The following ATP2C2 variants were observed in gnomAD, a reference collection of about 807,000 sequenced individuals.
ATP2C2 encodes the protein ATPase secretory pathway Ca2+ transporting 2.
In ATP2C2, 171 loss-of-function variants were observed where a neutral mutation model predicts 110.8. The observed-to-expected ratio is 1.54, with a 90% CI of 1.36 to 1.75. The LOEUF (loss-of-function observed/expected upper bound fraction) is 1.75. Among genes scored for constraint, ATP2C2 ranks in the 40% most tolerant of loss-of-function variants. ATP2C2 has a pLI of 0.00. For synonymous variants in ATP2C2, 804 were observed against 508.4 expected, an observed-to-expected ratio of 1.58 and a Z score of -7.82; for missense variants, 1,963 against 1,235.0, an observed-to-expected ratio of 1.59 and a Z score of -8.84.
intron 7 of ATP2C2, among the ~76,000 whole-genome samples, chr16:84,418,614 G>A (rs1334716941): frequency 6.6e-6 from 1 of 152,224 alleles, no homozygotes; most frequent in Non-Finnish European, 1.5e-5. Context: ...GGACACAGCA[G>A]CCCGCAGAGG....
In ATP2C2 at chr16:84,410,496, C is replaced by A. The variant is rs1405321947; in HGVS notation, c.418-72C>A. On this transcript the variant is annotated intron_variant, in intron 4 of 26. Transcript: ENST00000262429. ...GAAATCAATCATTAAAGACAAGCCC[C>A]TAGCCTGCCACGCCCTGTCCCCCCT... The A allele has an allele frequency of 3.3e-6, 5 of 1,514,530 alleles. No individual in the cohort carries two copies. In the South Asian group the frequency reaches 5.6e-5, roughly 17 times the overall value. 93.8% of individuals were successfully genotyped at this position (1,514,530 alleles called of 1,614,324 possible).
At chr16:84,417,851 A>G (rs968235352) in intron 7 of ATP2C2, among the ~76,000 whole-genome samples, 1 of 152,242 alleles carries the variant, frequency 6.6e-6, no homozygotes, top group Non-Finnish European at 1.5e-5. Context: ...AGCTTTGCCT[A>G]TTCAGTGGAA....
intron 11 of ATP2C2, among the ~76,000 whole-genome samples, chr16:84,429,078 A>T (rs892425049): frequency 3.3e-5 from 5 of 152,118 alleles, no homozygotes; most frequent in Non-Finnish European, 5.9e-5. Context: ...GATGGTCTTG[A>T]TCTCTAGTGA....
chr16:84,412,528 A>G (rs540415517), intron 6 of ATP2C2, among the ~76,000 whole-genome samples: 25 of 124,662 alleles, frequency 2.0e-4, no homozygotes, highest in African/African-American at 8.1e-4. Context: ...CTGTGTGTGC[A>G]TGTGTCTGTG....
In ATP2C2 at chr16:84,460,789, C is replaced by T. The variant is rs768956099; in HGVS notation, c.2469C>T (p.Ile823=). The T allele has an allele frequency of 1.9e-6, 3 of 1,612,882 alleles. No homozygotes were observed. Among genetic ancestry groups the T allele is most frequent in the Admixed American group, 1.7e-5 (1 of 59,976 alleles). Reference sequence around the variant, plus strand: ...TCATCATCAGCGGGACCCTCTTTATCTTCTGGAAGGAGGTGAGCGAGGGTC... The same window carrying T: ...TCATCATCAGCGGGACCCTCTTTATTTTCTGGAAGGAGGTGAGCGAGGGTC... ...AAIIISGTLF[I]FWKEMPEDRA... is the part of the protein sequence containing the mutation. The change falls in exon 24 of 27, where the codon ATC becomes ATT. Residue 823 remains isoleucine (I), a synonymous_variant. Transcript: ENST00000262429.
chr16:84,429,829 C>T (rs952015204), intron 11 of ATP2C2, among the ~76,000 whole-genome samples: 1 of 152,088 alleles, frequency 6.6e-6, no homozygotes, highest in African/African-American at 2.4e-5. Context: ...GAAACAGAAG[C>T]TTATTCTCAC....
rs188490787 is a variant in ATP2C2, at chr16:84,396,516, C to G, written c.100-1983C>G. ...AGTGAGCCGAGGTCGCACCACTGCA[C>G]TCCAGCCTGGGTGACAGAGTGAGGC... On this transcript the variant is annotated intron_variant, in intron 1 of 26. Coordinates refer to ENST00000262429, the MANE Select transcript of ATP2C2 (RefSeq NM_014861.4). Among the ~76,000 whole-genome samples, 317 of 144,020 alleles carry G rather than the reference C, an allele frequency of 2.2e-3. 6 individuals are homozygous for G. The highest frequency in any genetic ancestry group is 7.9e-3 in the African/African-American group (305 of 38,594). The allele number at this position is 144,020 out of a possible 152,430, so 94.5% of individuals were successfully genotyped here. A position where few individuals can be genotyped will look rare whatever the true frequency, so the allele number is the denominator to read the frequency against.
intron 15 of ATP2C2, among the ~76,000 whole-genome samples, chr16:84,445,210 CTTT>C (rs373290504): frequency 4.9e-5 from 7 of 141,666 alleles, no homozygotes; most frequent in Non-Finnish European, 4.6e-5. Context: ...GCGTTTTCCT[CTTT>C]TTTTTTTTTT....
chr16:84,402,115 T>C (rs1886147084), intron 2 of ATP2C2, among the ~76,000 whole-genome samples: 1 of 151,988 alleles, frequency 6.6e-6, no homozygotes, highest in Non-Finnish European at 1.5e-5. Flanking sequence ...TGATTTCTTT[T>C]GCAGATTGCT....
intron 21 of ATP2C2, 64 bp from the exon 22 acceptor site, chr16:84,459,056 C>G (rs919421): frequency 3.8e-6 from 6 of 1,563,806 alleles, no homozygotes; most frequent in Non-Finnish European, 5.3e-6. Context: ...TTGCAGCAAC[C>G]GATGCACTGG....
Position 84,451,891 on chromosome 16 carries a change from G to A in ATP2C2, c.1661-30G>A, listed in dbSNP as rs748734555. ...AAACGACGGCCCCTAAGCCCCCGGTGACCCCTCCTTACTCCCCCTCTCTCC... is the reference window on the plus strand; with the variant it reads ...AAACGACGGCCCCTAAGCCCCCGGTAACCCCTCCTTACTCCCCCTCTCTCC... On this transcript the variant is annotated intron_variant, in intron 17 of 26. Coordinates refer to ENST00000262429, the MANE Select transcript of ATP2C2 (RefSeq NM_014861.4). The A allele has an allele frequency of 3.1e-6, 5 of 1,590,260 alleles. No individual in the cohort carries two copies. In the East Asian group the frequency reaches 6.7e-5, roughly 21 times the overall value.
At chr16:84,409,526 T>C (rs1224218022) in intron 4 of ATP2C2, among the ~76,000 whole-genome samples, 1 of 152,200 alleles carries the variant, frequency 6.6e-6, no homozygotes, top group Non-Finnish European at 1.5e-5. Flanking sequence ...TTTTCTTTTT[T>C]TGAGACAGAG....
chr16:84,441,964 A>AG (rs3842352), intron 14 of ATP2C2, among the ~76,000 whole-genome samples: 10,854 of 130,172 alleles, frequency 0.083, 743 homozygotes, highest in South Asian at 0.2. Flanking sequence ...AAAACTAGTA[A>AG]TAATAAAAAA....
At chr16:84,432,114 C>G (rs1220632264) in intron 11 of ATP2C2, among the ~76,000 whole-genome samples, 2 of 152,068 alleles carry the variant, frequency 1.3e-5, no homozygotes, top group Middle Eastern at 3.2e-3. Context: ...TTCTTTCTTT[C>G]TTTTTATTAT....
In ATP2C2 at chr16:84,440,978, T is replaced by C. The variant is rs1467259046; in HGVS notation, c.1311+20T>C. 3 of 1,584,156 alleles carry C rather than the reference T, an allele frequency of 1.9e-6. No homozygotes were observed. The highest frequency in any genetic ancestry group is 4.5e-5 in the East Asian group (2 of 44,586). On this transcript the variant is annotated intron_variant, in intron 14 of 26. Coordinates refer to ENST00000262429, the MANE Select transcript of ATP2C2 (RefSeq NM_014861.4). The stretch of plus-strand genomic sequence containing the variant: ...GTGGAGGTAGGTGTCAAAAGCGCCA[T>C]GAGGGAAATAGGCATTTACATTGAG...
chr16:84,453,237 T>C lies in ATP2C2; in HGVS notation c.1929+2T>C. ...GAGCTGGCCGACCGCGTGGGGAAGGTGGGTCCCCGGAGGCTTGGCTGGCAG... is the reference window on the plus strand; with the variant it reads ...GAGCTGGCCGACCGCGTGGGGAAGGCGGGTCCCCGGAGGCTTGGCTGGCAG... On this transcript the variant is annotated splice_donor_variant, in intron 19 of 26. Coordinates refer to ENST00000262429, the MANE Select transcript of ATP2C2 (RefSeq NM_014861.4). LOFTEE classifies it high-confidence loss of function. The C allele has an allele frequency of 6.2e-7, 1 of 1,613,922 alleles. No homozygotes were observed. Among genetic ancestry groups the C allele is most frequent in the Non-Finnish European group, 8.5e-7 (1 of 1,179,900 alleles).
Position 84,437,456 on chromosome 16 carries a change from C to G in ATP2C2, c.987-1710C>G, listed in dbSNP as rs561593537. Among the ~76,000 whole-genome samples the G allele has an allele frequency of 2.6e-5, 4 of 152,182 alleles. No homozygotes were observed. The East Asian group carries it at 7.7e-4, about 29-fold the overall frequency. On this transcript the variant is annotated intron_variant, in intron 11 of 26. Coordinates refer to ENST00000262429, the MANE Select transcript of ATP2C2 (RefSeq NM_014861.4). Reference sequence around the variant, plus strand: ...GAACTCTTGAGCTCAAATGATCTGCCAGTGTGATCCTCCCAAAGTGCTGGT... The same window carrying G: ...GAACTCTTGAGCTCAAATGATCTGCGAGTGTGATCCTCCCAAAGTGCTGGT...
At chr16:84,410,400 T>A (rs1424126297) in intron 4 of ATP2C2, among the ~76,000 whole-genome samples, 168 bp from the exon 5 acceptor site, 1 of 152,190 alleles carries the variant, frequency 6.6e-6, no homozygotes, top group Non-Finnish European at 1.5e-5. Flanking sequence ...ATAGTGTCAA[T>A]TTTTTCCTGC....
At chr16:84,401,464 A>G (rs952873853) in intron 2 of ATP2C2, among the ~76,000 whole-genome samples, 3 of 152,080 alleles carry the variant, frequency 2.0e-5, no homozygotes, top group African/African-American at 7.2e-5. Flanking sequence ...ACCTCAGGTA[A>G]TCTGTCCACC....
Sources: gnomAD v4.1 joint callset for allele counts (sites outside exome capture counted in the v4.1 genomes callset) on GRCh38, gnomAD v4.1.1 for gene constraint, MANE v1.5 for transcripts, NCBI Gene and HGNC (gene_info 2026-07-23, HGNC 2026-07-21) for gene names.